NPAT: variants seen among roughly 807,000 people sequenced by gnomAD.
NPAT encodes protein NPAT.
Under a neutral mutation model 130.7 loss-of-function variants are expected in NPAT, and 52 were observed. The observed-to-expected ratio is 0.40, with a 90% CI of 0.32 to 0.50. The LOEUF (loss-of-function observed/expected upper bound fraction) is 0.50, where lower values mean the gene tolerates loss of function less well. Among genes scored for constraint, NPAT ranks in the 20% least tolerant of loss-of-function variants. NPAT has a pLI of 0.68. For synonymous variants in NPAT, 580 were observed against 584.8 expected (o/e 0.99, Z 0.12); for missense variants, 1,687 against 1,662.6 (o/e 1.01, Z -0.26).
chr11:108,204,414 G>A (rs1458449134), intron 1 of NPAT, among the ~76,000 whole-genome samples: 8 of 152,130 alleles, frequency 5.3e-5, no homozygotes, highest in African/African-American at 1.7e-4. Context: ...CTATCACACA[G>A]AGGGTTATCC....
At position 108,176,253 on chromosome 11, in the gene NPAT, T is replaced by G. The variant is rs774864147; in HGVS notation, c.1125A>C (p.Glu375Asp). ...ACAAAATTAAATTCTTACCAGATTC[T>G]TCTGTTTCAAAAGAACCTTTAACTG... ...NLAVKGSFET[E>D]ESDGQSGQPA... is the part of the protein sequence containing the mutation. The change falls in exon 12 of 18, where the codon GAA becomes GAC. Residue 375 changes from glutamate to aspartate, a missense_variant. By Grantham distance (45) the Glu-to-Asp change is conservative (BLOSUM62 2). Coordinates refer to ENST00000278612, the MANE Select transcript of NPAT (RefSeq NM_002519.3). 5 of 1,578,418 alleles carry G rather than the reference T, an allele frequency of 3.2e-6. No homozygotes were observed. In the East Asian group the frequency reaches 1.1e-4, roughly 35 times the overall value.
At chr11:108,167,971 A>G (rs149678304) in intron 15 of NPAT, among the ~76,000 whole-genome samples, 2 of 152,348 alleles carry the variant, frequency 1.3e-5, no homozygotes, top group Non-Finnish European at 2.9e-5. Context: ...TCCAAACTTT[A>G]TTAGTAATCA....
At chr11:108,185,588 A>G (rs2078099642) in intron 8 of NPAT, 94 bp from the exon 9 acceptor site, 11 of 850,836 alleles carry the variant, frequency 1.3e-5, no homozygotes, top group Non-Finnish European at 2.1e-5. Flanking sequence ...AGAGCTGGAT[A>G]GTTTTAATAA....
intron 1 of NPAT, among the ~76,000 whole-genome samples, chr11:108,206,795 G>A (rs1252295831): frequency 6.6e-6 from 1 of 152,236 alleles, no homozygotes; most frequent in East Asian, 1.9e-4. Context: ...CGGTCAACTG[G>A]AAGGTGCTCA....
intron 1 of NPAT, among the ~76,000 whole-genome samples, chr11:108,214,731 C>A (rs1270967042): frequency 6.6e-6 from 1 of 151,006 alleles, no homozygotes; most frequent in Non-Finnish European, 1.5e-5. Context: ...CTCCCAGGTT[C>A]AAGCGATTCT....
At chr11:108,165,668 T>A (rs1037962310) in intron 15 of NPAT, among the ~76,000 whole-genome samples, 5 of 150,782 alleles carry the variant, frequency 3.3e-5, no homozygotes, top group African/African-American at 1.2e-4. Flanking sequence ...TCTCACTCTG[T>A]CGCCCAGGCT....
At chr11:108,221,101 T>C (rs2078486190) in intron 1 of NPAT, among the ~76,000 whole-genome samples, 1 of 152,178 alleles carries the variant, frequency 6.6e-6, no homozygotes, top group Non-Finnish European at 1.5e-5. Flanking sequence ...ACTGCTTTCT[T>C]AGGGCTTTCT....
rs565000731 is a variant in NPAT, at chr11:108,159,968, C to T, written c.4206+912G>A. Reference sequence around the variant, plus strand: ...GAGTTCAAGACTAGCCTGGCCAACACGGTGAAACCCCATCTCTACTAAACA... The same window carrying T: ...GAGTTCAAGACTAGCCTGGCCAACATGGTGAAACCCCATCTCTACTAAACA... On this transcript the variant is annotated intron_variant, in intron 17 of 17. Transcript: ENST00000278612. 1.4e-4 allele frequency among the ~76,000 whole-genome samples: 22 copies of T among 151,852 alleles called. No individual in the cohort carries two copies. The South Asian group carries it at 3.3e-3, about 23-fold the overall frequency.
At chr11:108,178,676 G>C (rs1380892981) in intron 10 of NPAT, among the ~76,000 whole-genome samples, 3 of 152,050 alleles carry the variant, frequency 2.0e-5, no homozygotes, top group African/African-American at 7.3e-5. Context: ...TGGCCAACAT[G>C]GTGAAACCCC....
intron 5 of NPAT, 82 bp from the exon 6 acceptor site, chr11:108,189,412 T>C: frequency 8.8e-7 from 1 of 1,130,820 alleles, no homozygotes; most frequent in Non-Finnish European, 1.3e-6. Context: ...ATGCAACCTA[T>C]TATATAACAA....
At chr11:108,212,779 T>C (rs567836845) in intron 1 of NPAT, among the ~76,000 whole-genome samples, 13 of 150,224 alleles carry the variant, frequency 8.7e-5, no homozygotes, top group Non-Finnish European at 1.8e-4. Context: ...ACCCCGTCTC[T>C]ACTAAAAATA....
chr11:108,187,043 T>C (rs2078114315), intron 7 of NPAT, among the ~76,000 whole-genome samples: 1 of 152,204 alleles, frequency 6.6e-6, no homozygotes, highest in South Asian at 2.1e-4. Context: ...CTCTCTAACC[T>C]ACTTTATAAT....
At chr11:108,212,712 AG>A (rs2078395811) in intron 1 of NPAT, among the ~76,000 whole-genome samples, 1 of 152,006 alleles carries the variant, frequency 6.6e-6, no homozygotes, top group Admixed American at 6.6e-5. Context: ...TGGGAGGCCA[AG>A]GCAGGCAGAT....
chr11:108,219,045 T>C (rs1274807581), intron 1 of NPAT, among the ~76,000 whole-genome samples: 1 of 152,204 alleles, frequency 6.6e-6, no homozygotes, highest in Non-Finnish European at 1.5e-5. Flanking sequence ...TTGGTCCTGT[T>C]TGACCTCAAA....
chr11:108,186,339 C>T, intron 8 of NPAT, 143 bp downstream of exon 8: 1 of 682,954 alleles, frequency 1.5e-6, no homozygotes, highest in Non-Finnish European at 2.6e-6. Context: ...AATGATCCAA[C>T]AACAACAATG....
rs1021610472 is a variant in NPAT at position 108,160,751 on chromosome 11, T to A, written c.4206+129A>T. 3 of 802,284 alleles carry A rather than the reference T, an allele frequency of 3.7e-6. No homozygotes were observed. In the South Asian group the frequency reaches 4.9e-5, roughly 13 times the overall value. The allele number at this position is 802,284 out of a possible 1,614,324, so 49.7% of individuals were successfully genotyped here. A position where few individuals can be genotyped will look rare whatever the true frequency, so the allele number is the denominator to read the frequency against. On this transcript the variant is annotated intron_variant, in intron 17 of 17. Coordinates refer to ENST00000278612, the MANE Select transcript of NPAT (RefSeq NM_002519.3). The stretch of plus-strand genomic sequence containing the variant: ...CCTGTGATCATGGTTATGTATTTTG[T>A]CAATGAAAACTAAAAGCTGTCTTAG...
At chr11:108,168,421 C>T (rs2077920354) in intron 15 of NPAT, among the ~76,000 whole-genome samples, 1 of 152,082 alleles carries the variant, frequency 6.6e-6, no homozygotes, top group South Asian at 2.1e-4. Flanking sequence ...TATAACAGGA[C>T]ATAAGTCTAA....
At chr11:108,203,236 A>T (rs1000593000) in intron 1 of NPAT, among the ~76,000 whole-genome samples, 1 of 152,178 alleles carries the variant, frequency 6.6e-6, no homozygotes, top group Non-Finnish European at 1.5e-5. Context: ...GAAACCTCTG[A>T]TTAGATTACA....
At chr11:108,211,001 A>G (rs1330786351) in intron 1 of NPAT, among the ~76,000 whole-genome samples, 5 of 151,744 alleles carry the variant, frequency 3.3e-5, no homozygotes, top group Non-Finnish European at 7.4e-5. Flanking sequence ...TGGGTGGATC[A>G]TGAGGTCAGG....
Sources: allele counts gnomAD v4.1 joint callset (sites outside exome capture counted in the v4.1 genomes callset), GRCh38; gene constraint gnomAD v4.1.1; transcripts MANE v1.5; gene names NCBI Gene and HGNC (gene_info 2026-07-23, HGNC 2026-07-21).